Variants in GLOD5 observed in about 807,000 individuals in gnomAD.
GLOD5 encodes glyoxalase domain containing 5.
Under a neutral mutation model 9.9 loss-of-function variants are expected in GLOD5, and 7 were observed. The ratio of observed to expected loss-of-function variants is 0.71; its 90% CI spans 0.40 to 1.33. GLOD5 has a LOEUF of 1.33. Ranked by LOEUF, GLOD5 falls within the 40% of genes most tolerant of loss-of-function variation. The pLI is 0.01. For missense variants in GLOD5, 146 were observed against 128.4 expected (o/e 1.14, Z -0.66); for synonymous variants, 49 against 47.3 (o/e 1.04, Z -0.14).
At position 48,766,669 on chromosome X, in the gene GLOD5, T is replaced by C. The variant is rs781993757; in HGVS notation, c.201+697T>C. On this transcript the variant is annotated intron_variant, in intron 2 of 3. Coordinates refer to ENST00000303227, the MANE Select transcript of GLOD5 (RefSeq NM_001080489.3). Reference sequence around the variant, plus strand: ...GGGAGGCTGAGGCATGAGAATTGCTTGAGCCTGGGAGGCAGAGGTTGCAGT... The same window carrying C: ...GGGAGGCTGAGGCATGAGAATTGCTCGAGCCTGGGAGGCAGAGGTTGCAGT... Among the ~76,000 whole-genome samples the C allele has an allele frequency of 4.5e-5, 5 of 110,068 alleles. No individual in the cohort carries two copies. The East Asian group carries it at 8.6e-4, about 19-fold the overall frequency.
At chrX:48,762,164 T>C (rs1557016098) in intron 1 of GLOD5, 1 of 213,694 alleles carries the variant, frequency 4.7e-6, no homozygotes, top group East Asian at 8.1e-5. Context: ...ATTAAGGCCA[T>C]GTGGAGAGAG....
intron 1 of GLOD5, 121 bp from the exon 2 acceptor site, chrX:48,765,714 C>T: frequency 1.2e-6 from 1 of 814,851 alleles, no homozygotes; most frequent in Non-Finnish European, 1.8e-6. Context: ...AGGCCTTTCC[C>T]CTTGAAGGGG....
intron 3 of GLOD5, among the ~76,000 whole-genome samples, chrX:48,772,753 A>C (rs782810885): frequency 2.7e-5 from 3 of 110,409 alleles, no homozygotes; most frequent in African/African-American, 9.9e-5. Flanking sequence ...CATTTACTAG[A>C]TAATACTAGG....
chrX:48,771,520 T>G (rs181224204), intron 3 of GLOD5, among the ~76,000 whole-genome samples: 1 of 110,802 alleles, frequency 9.0e-6, no homozygotes, highest in Admixed American at 9.7e-5. Context: ...TTCACCACGT[T>G]GGCCAGGCTG....
rs1421853584 is a variant in GLOD5, at chrX:48,773,216, C to T, written c.358-94C>T. On this transcript the variant is annotated intron_variant, in intron 3 of 3. Transcript: ENST00000303227. ...CTGCACTCCAGCCTGGGTGACGGAG[C>T]GAGACTCTGTCACAAAAAAAAAAAA... 1.4e-4 allele frequency: 139 copies of T among 1,012,555 alleles called. No homozygotes were observed. The East Asian group carries it at 1.8e-3, about 13-fold the overall frequency. The allele number at this position is 1,012,555 out of a possible 1,213,427, so 83.4% of individuals were successfully genotyped here. A position where few individuals can be genotyped will look rare whatever the true frequency, so the allele number is the denominator to read the frequency against.
intron 1 of GLOD5, among the ~76,000 whole-genome samples, chrX:48,763,397 G>A (rs1310003162): frequency 1.8e-5 from 2 of 111,859 alleles, no homozygotes; most frequent in African/African-American, 3.3e-5. Flanking sequence ...AGGTTAATAA[G>A]GGCTGGGTGC....
chrX:48,771,091 G>T lies in GLOD5; in HGVS notation c.357+9G>T, dbSNP rs377704512. On this transcript the variant is annotated intron_variant, in intron 3 of 3. Coordinates refer to ENST00000303227, the MANE Select transcript of GLOD5 (RefSeq NM_001080489.3). ...TGATCCAGCACCTCAAGGTGAGTGG[G>T]ACTTCTCTTCTTTTTGCAAAAGCTG... is the stretch of plus-strand genomic sequence containing the variant. 19 of 1,149,160 alleles carry T rather than the reference G, an allele frequency of 1.7e-5. No homozygotes were observed. The highest frequency in any genetic ancestry group is 2.9e-4 in the Middle Eastern group (1 of 3,454). The allele number at this position is 1,149,160 out of a possible 1,213,427, so 94.7% of individuals were successfully genotyped here. A position where few individuals can be genotyped will look rare whatever the true frequency, so the allele number is the denominator to read the frequency against.
At chrX:48,770,165 C>T (rs2062618738) in intron 2 of GLOD5, among the ~76,000 whole-genome samples, 1 of 109,990 alleles carries the variant, frequency 9.1e-6, no homozygotes, top group Non-Finnish European at 1.9e-5. Flanking sequence ...GTCCCAGCTA[C>T]TCCAGAGGCT....
intron 1 of GLOD5, 190 bp from the exon 2 acceptor site, chrX:48,765,645 A>C: frequency 1.9e-6 from 1 of 523,790 alleles, no homozygotes. Context: ...CATGGTAGAC[A>C]TGTGGGCTCT....
At chrX:48,767,823 G>C (rs1405900706) in intron 2 of GLOD5, among the ~76,000 whole-genome samples, 1 of 111,484 alleles carries the variant, frequency 9.0e-6, no homozygotes, top group African/African-American at 3.3e-5. Context: ...GTGCATATGT[G>C]GGGGCAAGGT....
intron 3 of GLOD5, among the ~76,000 whole-genome samples, chrX:48,771,826 T>C (rs1444738469): frequency 8.9e-6 from 1 of 112,005 alleles, no homozygotes; most frequent in African/African-American, 3.2e-5. Flanking sequence ...TAAGAACTTG[T>C]TAGCATCCAC....
chrX:48,770,296 T>G (rs1410756825), intron 2 of GLOD5, among the ~76,000 whole-genome samples: 1 of 110,932 alleles, frequency 9.0e-6, no homozygotes, highest in African/African-American at 3.3e-5. Flanking sequence ...AATAAATAAA[T>G]AAATAAACAA....
At chrX:48,773,007 G>A (rs368045342) in intron 3 of GLOD5, among the ~76,000 whole-genome samples, 21 of 110,492 alleles carry the variant, frequency 1.9e-4, no homozygotes, top group Middle Eastern at 4.8e-3. Flanking sequence ...AGGCTGAGGC[G>A]GGCGGATCAC....
intron 1 of GLOD5, among the ~76,000 whole-genome samples, chrX:48,764,122 T>C (rs1280875305): frequency 4.5e-5 from 5 of 112,231 alleles, no homozygotes; most frequent in Non-Finnish European, 1.9e-5. Context: ...ACTAGTTGTT[T>C]GGGAAAGAGT....
intron 1 of GLOD5, among the ~76,000 whole-genome samples, chrX:48,764,547 ATCT>A (rs1288730270): frequency 1.5e-4 from 16 of 103,823 alleles, no homozygotes; most frequent in South Asian, 8.5e-4. Flanking sequence ...TGGTTCCAGA[ATCT>A]TCTTTTTTTT....
At chrX:48,770,791 A>C (rs1474140356) in intron 2 of GLOD5, 136 bp from the exon 3 acceptor site, 2 of 428,665 alleles carry the variant, frequency 4.7e-6, no homozygotes, top group African/African-American at 2.6e-5. Context: ...GGTGGGGCAA[A>C]GGGCTGTTGT....
chrX:48,770,838 C>A, intron 2 of GLOD5, 89 bp from the exon 3 acceptor site: 1 of 733,441 alleles, frequency 1.4e-6, no homozygotes, highest in Admixed American at 4.8e-5. Context: ...TTTTTTAAAC[C>A]TTGTTGGGAT....
chrX:48,765,533 G>A (rs1347021092), intron 1 of GLOD5: 3 of 288,762 alleles, frequency 1.0e-5, no homozygotes, highest in Non-Finnish European at 1.9e-5. Flanking sequence ...AGGTGAGATT[G>A]TGCCACTGCA....
chrX:48,766,190 T>C, intron 2 of GLOD5: 1 of 370,226 alleles, frequency 2.7e-6, no homozygotes, highest in East Asian at 4.9e-5. Context: ...AAGATAACTT[T>C]GCAGTCTCTA....
Sources: allele counts gnomAD v4.1 joint callset (sites outside exome capture counted in the v4.1 genomes callset), GRCh38; gene constraint gnomAD v4.1.1; transcripts MANE v1.5; gene names NCBI Gene and HGNC (gene_info 2026-07-23, HGNC 2026-07-21).